Variants in HPRT1 observed in about 807,000 individuals in gnomAD.
The protein encoded by HPRT1 is hypoxanthine-guanine phosphoribosyltransferase.
A neutral mutation model predicts 19.0 loss-of-function variants in HPRT1; 4 were observed. The ratio of observed to expected loss-of-function variants is 0.21; its 90% CI spans 0.10 to 0.48. The LOEUF is 0.48. Ranked by LOEUF, HPRT1 falls within the 20% of genes least tolerant of loss-of-function variation. The pLI, the probability that HPRT1 is intolerant of heterozygous loss-of-function variation, is 0.98. For missense variants in HPRT1, 65 were observed against 164.0 expected, an observed-to-expected ratio of 0.40 and a Z score of 3.30; for synonymous variants, 53 against 54.9, an observed-to-expected ratio of 0.97 and a Z score of 0.15.
At chrX:134,492,422 T>C (rs946716598) in intron 5 of HPRT1, 2 of 279,676 alleles carry the variant, frequency 7.2e-6, no homozygotes, top group Non-Finnish European at 1.4e-5. Context: ...TTTTTTATAC[T>C]TCCCTAGTAC....
intron 3 of HPRT1, among the ~76,000 whole-genome samples, chrX:134,483,498 C>T (rs59869728): frequency 0.014 from 1,617 of 111,621 alleles, 31 homozygotes; most frequent in African/African-American, 0.049. Flanking sequence ...TTGACAGTGA[C>T]GCTCTGAGTT....
At position 134,472,150 on chromosome X, in the gene HPRT1, T is replaced by C. The variant is rs904155113; in HGVS notation, c.28-1209T>C. Reference sequence around the variant, plus strand: ...CATACCTGGCAAATTTTTACAAAGTTTTTTGTAGGGACGGGGTCTTGCTAC... The same window carrying C: ...CATACCTGGCAAATTTTTACAAAGTCTTTTGTAGGGACGGGGTCTTGCTAC... On this transcript the variant is annotated intron_variant, in intron 1 of 8. Coordinates refer to ENST00000298556, the MANE Select transcript of HPRT1 (RefSeq NM_000194.3). 1.1e-4 allele frequency among the ~76,000 whole-genome samples: 12 copies of C among 110,112 alleles called. No homozygotes were observed. In the East Asian group the frequency reaches 3.4e-3, roughly 32 times the overall value.
intron 6 of HPRT1, among the ~76,000 whole-genome samples, chrX:134,494,837 AT>A (rs1413609283): frequency 9.0e-6 from 1 of 111,482 alleles, no homozygotes; most frequent in Non-Finnish European, 1.9e-5. Context: ...TGAGCGAGAG[AT>A]TTTGTGTTGC....
chrX:134,460,629 A>G (rs955323503), intron 1 of HPRT1: 2 of 164,180 alleles, frequency 1.2e-5, no homozygotes, highest in African/African-American at 6.6e-5. Flanking sequence ...GCCGCCTGCG[A>G]GCGTGCTGCG....
Position 134,466,424 on chromosome X carries a change from GAAAAA to G in HPRT1, c.27+6097_27+6101del, listed in dbSNP as rs1205574444. ...CAGAGTGAGACTCTGTCTCAAAAAA[GAAAAA>G]AAAAAAAAAAGAGACACCAGAGAGC... On this transcript the variant is annotated intron_variant, in intron 1 of 8. Transcript: ENST00000298556. Among the ~76,000 whole-genome samples, 109 of 61,671 alleles carry G rather than the reference GAAAAA, an allele frequency of 1.8e-3. 2 individuals carry two copies. The highest frequency in any genetic ancestry group is 5.7e-3 in the African/African-American group (102 of 18,025). 53.6% of individuals were successfully genotyped at this position (61,671 alleles called of 115,157 possible).
intron 1 of HPRT1, among the ~76,000 whole-genome samples, chrX:134,462,793 T>A (rs1439832626): frequency 8.9e-6 from 1 of 112,520 alleles, no homozygotes; most frequent in Non-Finnish European, 1.9e-5. Context: ...GTTTGCATGT[T>A]AGCAATAACA....
intron 1 of HPRT1, among the ~76,000 whole-genome samples, chrX:134,462,370 C>T (rs894304582): frequency 6.3e-5 from 7 of 110,328 alleles, no homozygotes; most frequent in African/African-American, 1.3e-4. Context: ...TTAATAGAGA[C>T]GAGGTTTCAC....
intron 2 of HPRT1, among the ~76,000 whole-genome samples, chrX:134,474,754 A>G (rs961869516): frequency 1.8e-5 from 2 of 111,561 alleles, no homozygotes; most frequent in Non-Finnish European, 1.9e-5. Context: ...TGAAAATGGT[A>G]TCTTGTTTTT....
intron 8 of HPRT1, among the ~76,000 whole-genome samples, chrX:134,499,649 G>GA (rs2077690251): frequency 9.2e-6 from 1 of 108,757 alleles, no homozygotes; most frequent in South Asian, 4.0e-4. Flanking sequence ...CTAAAAAATA[G>GA]AAAAAATTAG....
At chrX:134,466,217 A>G (rs1438053002) in intron 1 of HPRT1, among the ~76,000 whole-genome samples, 1 of 110,248 alleles carries the variant, frequency 9.1e-6, no homozygotes, top group Non-Finnish European at 1.9e-5. Flanking sequence ...CAGGAGTTTG[A>G]GACCAGCCTG....
intron 4 of HPRT1, among the ~76,000 whole-genome samples, chrX:134,487,260 G>T (rs940131592): frequency 9.0e-6 from 1 of 111,524 alleles, no homozygotes; most frequent in African/African-American, 3.3e-5. Flanking sequence ...TAATTTATTT[G>T]TTGACCCATT....
At position 134,500,438 on chromosome X, in the gene HPRT1, G is replaced by T. The variant is rs1195279841; in HGVS notation, c.*361G>T. 2 of 143,703 alleles carry T rather than the reference G, an allele frequency of 1.4e-5. No homozygotes were observed. The highest frequency in any genetic ancestry group is 2.7e-5 in the Non-Finnish European group (2 of 73,404). 11.8% of individuals were successfully genotyped at this position (143,703 alleles called of 1,213,427 possible). The stretch of plus-strand genomic sequence containing the variant: ...TTTTAATTTTTATATATGCAGGAAA[G>T]AATAGAAGTGATTGAATATTGTTAA... On this transcript the variant is annotated 3_prime_UTR_variant, in exon 9 of 9. Coordinates refer to ENST00000298556, the MANE Select transcript of HPRT1 (RefSeq NM_000194.3).
At chrX:134,498,307 CAG>C in intron 6 of HPRT1, 81 bp from the exon 7 acceptor site, 1 of 755,060 alleles carries the variant, frequency 1.3e-6, no homozygotes, top group Non-Finnish European at 2.1e-6. Context: ...TGAAATGAAA[CAG>C]TGTTTAGAAA....
rs1401506683 is a variant in HPRT1, at chrX:134,460,251, T to G, written c.-61T>G. On this transcript the variant is annotated 5_prime_UTR_variant, in exon 1 of 9. Coordinates refer to ENST00000298556, the MANE Select transcript of HPRT1 (RefSeq NM_000194.3). ...CTCTTGCTGCGCCTCCGCCTCCTCC[T>G]CTGCTCCGCCACCGGCTTCCTCCTC... 5.5e-6 allele frequency: 6 copies of G among 1,097,492 alleles called. No individual in the cohort carries two copies. The African/African-American group carries it at 1.2e-4, about 22-fold the overall frequency. The allele number at this position is 1,097,492 out of a possible 1,213,427, so 90.4% of individuals were successfully genotyped here. A position where few individuals can be genotyped will look rare whatever the true frequency, so the allele number is the denominator to read the frequency against.
At chrX:134,462,247 C>T (rs750547689) in intron 1 of HPRT1, among the ~76,000 whole-genome samples, 4 of 111,464 alleles carry the variant, frequency 3.6e-5, no homozygotes, top group African/African-American at 1.3e-4. Context: ...GTGGCATGAT[C>T]TCGGCTCAGT....
intron 8 of HPRT1, among the ~76,000 whole-genome samples, chrX:134,499,407 G>C (rs2077689369): frequency 9.0e-6 from 1 of 111,345 alleles, no homozygotes; most frequent in African/African-American, 3.3e-5. Context: ...GAACCCGGGA[G>C]GCAGAGGCTA....
At chrX:134,475,091 G>T in intron 2 of HPRT1, 90 bp from the exon 3 acceptor site, 1 of 726,069 alleles carries the variant, frequency 1.4e-6, no homozygotes, top group Non-Finnish European at 2.1e-6. Context: ...TATTGCCCAG[G>T]TTGGTGTGGA....
chrX:134,469,829 C>A (rs758520391), intron 1 of HPRT1, among the ~76,000 whole-genome samples: 5 of 112,138 alleles, frequency 4.5e-5, no homozygotes, highest in African/African-American at 1.6e-4. Context: ...CAGATATATT[C>A]TGATGAGCCT....
At chrX:134,491,073 T>TTA (rs780856533) in intron 5 of HPRT1, among the ~76,000 whole-genome samples, 127 of 105,079 alleles carry the variant, frequency 1.2e-3, no homozygotes, top group East Asian at 0.011. Context: ...AATCTATAGA[T>TTA]TATATATATA....
Sources: allele counts gnomAD v4.1 joint callset (sites outside exome capture counted in the v4.1 genomes callset), GRCh38; gene constraint gnomAD v4.1.1; transcripts MANE v1.5; gene names NCBI Gene and HGNC (gene_info 2026-07-23, HGNC 2026-07-21).